The following XKR4 variants were observed in gnomAD, a reference collection of about 807,000 sequenced individuals.
The protein encoded by XKR4 is XK related 4, also known as XK-related protein 4.
XKR4 carries 12 observed loss-of-function variants against 53.9 expected under a neutral mutation model. The observed-to-expected ratio is 0.22, with a 90% CI of 0.14 to 0.36. The LOEUF (loss-of-function observed/expected upper bound fraction) is 0.36, where lower values mean the gene tolerates loss of function less well. Ranked by LOEUF, XKR4 falls within the 10% of genes least tolerant of loss-of-function variation. XKR4 has a pLI of 1.00. For synonymous variants in XKR4, 354 were observed against 362.4 expected, an observed-to-expected ratio of 0.98 and a Z score of 0.26; for missense variants, 799 against 859.5, an observed-to-expected ratio of 0.93 and a Z score of 0.88.
intron 2 of XKR4, among the ~76,000 whole-genome samples, chr8:55,424,038 G>A (rs1804974139): frequency 6.6e-6 from 1 of 152,174 alleles, no homozygotes; most frequent in African/African-American, 2.4e-5. Flanking sequence ...ACGCACACCT[G>A]GGCCATCCCA....
At chr8:55,143,837 A>C (rs75769347) in intron 1 of XKR4, among the ~76,000 whole-genome samples, 3,809 of 152,330 alleles carry the variant, frequency 0.025, 148 homozygotes, top group African/African-American at 0.083. Flanking sequence ...AATTTCCGGT[A>C]AATACAGCAA....
chr8:55,540,654 A>T lies in XKR4; in HGVS notation c.*16427A>T, dbSNP rs943659952. 2.6e-5 allele frequency: 4 copies of T among 152,210 alleles called. No individual in the cohort carries two copies. Among genetic ancestry groups the T allele is most frequent in the African/African-American group, 9.7e-5 (4 of 41,448 alleles). 9.4% of individuals were successfully genotyped at this position (152,210 alleles called of 1,614,324 possible). On this transcript the variant is annotated 3_prime_UTR_variant, in exon 3 of 3. Transcript: ENST00000327381. ...ACAAAGACAGCAACCAATGAGCCAG[A>T]GGTTTCTTCTCTCTTTGAAACCAAA... is the stretch of plus-strand genomic sequence containing the variant.
In XKR4 at chr8:55,139,512, C is replaced by CAAAAAAAAAAA. The variant is rs5891559; in HGVS notation, c.806+36223_806+36233dup. ...TGGGTGACAGAGCAAGACTCCGTCTCAAAAAAAAAAAAAAAGAGTGCTGGC... is the reference window on the plus strand; with the variant it reads ...TGGGTGACAGAGCAAGACTCCGTCTCAAAAAAAAAAAAAAAAAAAAAAAAAAGAGTGCTGGC... On this transcript the variant is annotated intron_variant, in intron 1 of 2. Coordinates refer to ENST00000327381, the MANE Select transcript of XKR4 (RefSeq NM_052898.2). Among the ~76,000 whole-genome samples the CAAAAAAAAAAA allele has an allele frequency of 2.1e-4, 24 of 114,446 alleles. 3 individuals are homozygous for CAAAAAAAAAAA. Among genetic ancestry groups the CAAAAAAAAAAA allele is most frequent in the African/African-American group, 4.4e-4 (11 of 25,122 alleles). The allele number at this position is 114,446 out of a possible 152,430, so 75.1% of individuals were successfully genotyped here. A position where few individuals can be genotyped will look rare whatever the true frequency, so the allele number is the denominator to read the frequency against.
chr8:55,450,116 C>A (rs1563353192), intron 2 of XKR4: 4 of 698,216 alleles, frequency 5.7e-6, no homozygotes, highest in East Asian at 3.0e-5. Flanking sequence ...CAGCGCTTAG[C>A]GGGTCGGCTC....
chr8:55,317,241 A>G (rs531080405), intron 1 of XKR4, among the ~76,000 whole-genome samples: 6 of 152,230 alleles, frequency 3.9e-5, no homozygotes, highest in Non-Finnish European at 7.3e-5. Flanking sequence ...ATAGATGATG[A>G]GTGAACAAAA....
At chr8:55,453,050 C>T (rs1585581483) in intron 2 of XKR4, 2 of 609,046 alleles carry the variant, frequency 3.3e-6, no homozygotes, top group Non-Finnish European at 6.4e-6. Context: ...GGTGCCTCCC[C>T]AACCTCCTGG....
intron 1 of XKR4, among the ~76,000 whole-genome samples, chr8:55,195,804 G>A (rs546540992): frequency 3.9e-5 from 6 of 152,264 alleles, no homozygotes; most frequent in African/African-American, 7.2e-5. Flanking sequence ...TATGTTAGCC[G>A]CCATGGTTTC....
At chr8:55,396,784 C>T (rs1028443173) in intron 2 of XKR4, among the ~76,000 whole-genome samples, 5 of 152,108 alleles carry the variant, frequency 3.3e-5, no homozygotes, top group African/African-American at 7.2e-5. Context: ...ATTAGTGAGG[C>T]TTAACAGTAC....
chr8:55,441,540 A>T (rs970124436), intron 2 of XKR4, among the ~76,000 whole-genome samples: 2 of 152,122 alleles, frequency 1.3e-5, no homozygotes, highest in Non-Finnish European at 1.5e-5. Context: ...ATTGCACTCG[A>T]CTCCATAATA....
intron 2 of XKR4, among the ~76,000 whole-genome samples, chr8:55,360,075 C>T (rs1803877545): frequency 6.6e-6 from 1 of 152,190 alleles, no homozygotes; most frequent in Non-Finnish European, 1.5e-5. Flanking sequence ...GGCCAAAAGA[C>T]AGGTTGATCC....
intron 1 of XKR4, among the ~76,000 whole-genome samples, chr8:55,236,442 T>G (rs1015652211): frequency 6.6e-6 from 1 of 152,112 alleles, no homozygotes; most frequent in Non-Finnish European, 1.5e-5. Flanking sequence ...GGCTGAGACC[T>G]TTCCAAATGC....
intron 1 of XKR4, among the ~76,000 whole-genome samples, chr8:55,206,737 A>C (rs1487848724): frequency 6.6e-6 from 1 of 152,204 alleles, no homozygotes; most frequent in Non-Finnish European, 1.5e-5. Flanking sequence ...AGAAACATTA[A>C]TTTTTGGTTA....
intron 1 of XKR4, among the ~76,000 whole-genome samples, chr8:55,304,374 A>C (rs1819259192): frequency 6.6e-6 from 1 of 152,104 alleles, no homozygotes; most frequent in South Asian, 2.1e-4. Flanking sequence ...GTTTGTTATA[A>C]TTTGTGTTCT....
At chr8:55,493,245 A>G (rs1354289043) in intron 2 of XKR4, among the ~76,000 whole-genome samples, 1 of 152,230 alleles carries the variant, frequency 6.6e-6, no homozygotes, top group African/African-American at 2.4e-5. Context: ...TCAGAAAATC[A>G]TAGCATCCTA....
At position 55,369,603 on chromosome 8, in the gene XKR4, T is replaced by A. The variant is rs186648503; in HGVS notation, c.1006+11726T>A. ...GAGGGAGGGAAAGAGAATAAAAATCTTGCCCCTAAGAAATAATTAAGAATT... is the reference window on the plus strand; with the variant it reads ...GAGGGAGGGAAAGAGAATAAAAATCATGCCCCTAAGAAATAATTAAGAATT... On this transcript the variant is annotated intron_variant, in intron 2 of 2. Coordinates refer to ENST00000327381, the MANE Select transcript of XKR4 (RefSeq NM_052898.2). 2.3e-3 allele frequency among the ~76,000 whole-genome samples: 343 copies of A among 151,936 alleles called. 1 individual carries two copies. Among genetic ancestry groups the A allele is most frequent in the Middle Eastern group, 0.01 (3 of 294 alleles).
rs189526757 is a variant in XKR4 at position 55,423,198 on chromosome 8, C to A, written c.1006+65321C>A. 7.3e-4 allele frequency among the ~76,000 whole-genome samples: 111 copies of A among 152,032 alleles called. 1 individual carries two copies. The highest frequency in any genetic ancestry group is 5.8e-3 in the South Asian group (28 of 4,804). ...GCAACCTCTACCTCCCAGGTTCAAG[C>A]GATTCTCATGCCTCAGCCTCCTGAG... On this transcript the variant is annotated intron_variant, in intron 2 of 2. Transcript: ENST00000327381.
intron 1 of XKR4, among the ~76,000 whole-genome samples, chr8:55,322,079 C>T (rs1803224536): frequency 6.6e-6 from 1 of 152,202 alleles, no homozygotes; most frequent in Admixed American, 6.5e-5. Flanking sequence ...TTGCTTGTCT[C>T]CTCAGTGATA....
At chr8:55,138,299 G>T (rs1303459218) in intron 1 of XKR4, among the ~76,000 whole-genome samples, 2 of 152,142 alleles carry the variant, frequency 1.3e-5, no homozygotes, top group Non-Finnish European at 2.9e-5. Context: ...AAGGCTTTTG[G>T]ATCATCTGTT....
chr8:55,168,125 A>T (rs1420058969), intron 1 of XKR4, among the ~76,000 whole-genome samples: 1 of 152,210 alleles, frequency 6.6e-6, no homozygotes, highest in South Asian at 2.1e-4. Flanking sequence ...AATCGTACAG[A>T]AAGTCTGTTG....
Sources: gnomAD v4.1 joint callset for allele counts (sites outside exome capture counted in the v4.1 genomes callset) on GRCh38, gnomAD v4.1.1 for gene constraint, MANE v1.5 for transcripts, NCBI Gene and HGNC (gene_info 2026-07-23, HGNC 2026-07-21) for gene names.